NRDE2: variants seen among roughly 807,000 people sequenced by gnomAD.
The protein encoded by NRDE2 is nuclear exosome regulator NRDE2.
A neutral mutation model predicts 124.2 loss-of-function variants in NRDE2; 76 were observed. The observed-to-expected ratio is 0.61, with a 90% CI of 0.51 to 0.74. The LOEUF (loss-of-function observed/expected upper bound fraction) is 0.74. NRDE2 is among the 30% of genes least tolerant of loss of function. The pLI is 0.00. For missense variants in NRDE2, 1,314 were observed against 1,417.3 expected, an observed-to-expected ratio of 0.93 and a Z score of 1.17; for synonymous variants, 489 against 528.1, an observed-to-expected ratio of 0.93 and a Z score of 1.01.
chr14:90,327,321 G>A (rs184819919), intron 1 of NRDE2, among the ~76,000 whole-genome samples: 18 of 152,266 alleles, frequency 1.2e-4, no homozygotes, highest in African/African-American at 2.9e-4. Flanking sequence ...AGGCCGTGGC[G>A]GGAGCACTGC....
At chr14:90,316,459 T>A in intron 3 of NRDE2, 119 bp downstream of exon 3, 1 of 706,156 alleles carries the variant, frequency 1.4e-6, no homozygotes, top group Non-Finnish European at 2.4e-6. Flanking sequence ...GATATAATGG[T>A]AGAGCTCTCT....
rs749739349 is a variant in NRDE2 at position 90,316,815 on chromosome 14, T to C, written c.174-4A>G. 15 of 1,569,836 alleles carry C rather than the reference T, an allele frequency of 9.6e-6. No homozygotes were observed. The Admixed American group carries it at 2.9e-4, about 30-fold the overall frequency. On this transcript the variant is annotated splice_region_variant and splice_polypyrimidine_tract_variant and intron_variant, in intron 2 of 13. Coordinates refer to ENST00000354366, the MANE Select transcript of NRDE2 (RefSeq NM_017970.4). ...AGACTCTGATTTCAGATGACTCCTG[T>C]TTGGGAAAATCAACTTTAAAATTAC...
chr14:90,283,593 C>T (rs917347749), intron 12 of NRDE2, among the ~76,000 whole-genome samples: 3 of 152,170 alleles, frequency 2.0e-5, no homozygotes, highest in African/African-American at 7.2e-5. Flanking sequence ...GTTGTCTCTA[C>T]TAACAGCAGC....
At chr14:90,299,357 G>A (rs1277415516) in intron 7 of NRDE2, among the ~76,000 whole-genome samples, 1 of 151,956 alleles carries the variant, frequency 6.6e-6, no homozygotes, top group Non-Finnish European at 1.5e-5. Context: ...CTAAAGGTCT[G>A]CATTTTAAAG....
In NRDE2 at chr14:90,274,437, GAC is replaced by G. The variant is rs1891748024; in HGVS notation, c.*3897_*3898del. On this transcript the variant is annotated 3_prime_UTR_variant, in exon 14 of 14. Transcript: ENST00000354366. ...GGAGCCAGGTTTCTCTGAGGAGTTAGACACAGAAAGAAGAAAACAAGAACGAC... is the reference window on the plus strand; with the variant it reads ...GGAGCCAGGTTTCTCTGAGGAGTTAGACAGAAAGAAGAAAACAAGAACGAC... 1 of 152,762 alleles carries G rather than the reference GAC, an allele frequency of 6.5e-6. No individual in the cohort carries two copies. The highest frequency in any genetic ancestry group is 2.1e-4 in the South Asian group (1 of 4,844). 9.5% of individuals were successfully genotyped at this position (152,762 alleles called of 1,614,324 possible).
intron 12 of NRDE2, among the ~76,000 whole-genome samples, chr14:90,284,001 A>G (rs181767847): frequency 9.7e-4 from 148 of 152,136 alleles, no homozygotes; most frequent in African/African-American, 3.5e-3. Context: ...ATGAGCCACC[A>G]CACTCAGACT....
In NRDE2 at chr14:90,288,815, T is replaced by A. The variant is rs774115673; in HGVS notation, c.2560A>T (p.Thr854Ser). 2 of 1,614,142 alleles carry A rather than the reference T, an allele frequency of 1.2e-6. No individual in the cohort carries two copies. Among genetic ancestry groups the A allele is most frequent in the Admixed American group, 3.3e-5 (2 of 60,028 alleles). The change falls in exon 11 of 14, where the codon ACT (threonine) becomes TCT (serine). Residue 854 changes from threonine to serine, a missense_variant. Thr to Ser is a moderately conservative substitution (Grantham distance 58). Coordinates refer to ENST00000354366, the MANE Select transcript of NRDE2 (RefSeq NM_017970.4). Reference protein sequence around the residue: ...ARAVHILTKLTESSPYGPYTG... With the variant: ...ARAVHILTKLSESSPYGPYTG... Reference sequence around the variant, plus strand: ...TAGGGCCCATAGGGGCTGCTCTCAGTCAGCTTGGTTAATATGTGAACAGCT... The same window carrying A: ...TAGGGCCCATAGGGGCTGCTCTCAGACAGCTTGGTTAATATGTGAACAGCT...
chr14:90,271,892 ATTTT>A lies in NRDE2; in HGVS notation c.*6440_*6443del, dbSNP rs58641715. On this transcript the variant is annotated 3_prime_UTR_variant, in exon 14 of 14. Transcript: ENST00000354366. ...TGTCTCATGCTTTATTTCAGAACAG[ATTTT>A]TTTTTTTTTTTTTTTGAGGTAGAGT... 1.4e-3 allele frequency: 200 copies of A among 140,138 alleles called. 2 individuals are homozygous for A. In the South Asian group the frequency reaches 0.022, roughly 16 times the overall value. The allele number at this position is 140,138 out of a possible 1,614,324, so 8.7% of individuals were successfully genotyped here. A position where few individuals can be genotyped will look rare whatever the true frequency, so the allele number is the denominator to read the frequency against.
rs759260251 is a variant in NRDE2, at chr14:90,288,219, C to G, written c.3156G>C (p.Gln1052His). The change falls in exon 11 of 14, where the codon CAG (glutamine) becomes CAC (histidine). Residue 1052 changes from glutamine (Q) to histidine (H), a missense_variant and splice_region_variant. Coordinates refer to ENST00000354366, the MANE Select transcript of NRDE2 (RefSeq NM_017970.4). Reference sequence around the variant, plus strand: ...CGAACAGAACGGTCTGGAATTACCTCTGGACAGTTTCCACCAGTCTCTTCC... The same window carrying G: ...CGAACAGAACGGTCTGGAATTACCTGTGGACAGTTTCCACCAGTCTCTTCC... Reference protein sequence around the residue: ...KLRKRLVETVQRLDGREIHAT... With the variant: ...KLRKRLVETVHRLDGREIHAT... The G allele has an allele frequency of 1.9e-6, 3 of 1,612,752 alleles. No individual in the cohort carries two copies. The highest frequency in any genetic ancestry group is 1.1e-5 in the South Asian group (1 of 90,890).
Position 90,309,290 on chromosome 14 carries a change from C to T in NRDE2, c.557+3104G>A, listed in dbSNP as rs554475231. The stretch of plus-strand genomic sequence containing the variant: ...TGAATGCAGGCTGAATAAATTTGGG[C>T]GAATTTTAGTGGCATACGGGAAAAA... On this transcript the variant is annotated intron_variant, in intron 4 of 13. Coordinates refer to ENST00000354366, the MANE Select transcript of NRDE2 (RefSeq NM_017970.4). Among the ~76,000 whole-genome samples, 5 of 148,704 alleles carry T rather than the reference C, an allele frequency of 3.4e-5. No homozygotes were observed. The South Asian group carries it at 6.4e-4, about 19-fold the overall frequency.
rs1891623862 is a variant in NRDE2, at chr14:90,270,117, G to C, written c.*8219C>G. On this transcript the variant is annotated 3_prime_UTR_variant, in exon 14 of 14. Coordinates refer to ENST00000354366, the MANE Select transcript of NRDE2 (RefSeq NM_017970.4). ...TGTCCGACTGAAACTTCGTATGTAA[G>C]GAGATGGGCTGAGGCCTCTGAGCCA... 14 of 1,447,430 alleles carry C rather than the reference G, an allele frequency of 9.7e-6. No individual in the cohort carries two copies. Among genetic ancestry groups the C allele is most frequent in the Non-Finnish European group, 1.3e-5 (14 of 1,063,516 alleles). 89.7% of individuals were successfully genotyped at this position (1,447,430 alleles called of 1,614,324 possible).
intron 1 of NRDE2, among the ~76,000 whole-genome samples, chr14:90,330,214 A>AAAATAAATAAATAAATAAAT (rs1555362759): frequency 1.4e-5 from 2 of 139,256 alleles, no homozygotes; most frequent in Non-Finnish European, 3.0e-5. Flanking sequence ...CTCAAAAAAA[A>AAAATAAATAAATAAATAAAT]AAATAAATAA....
At chr14:90,324,215 G>A (rs1028310767) in intron 1 of NRDE2, among the ~76,000 whole-genome samples, 3 of 152,136 alleles carry the variant, frequency 2.0e-5, no homozygotes, top group African/African-American at 7.2e-5. Context: ...CATTGGGACT[G>A]AGGGGAAATG....
intron 3 of NRDE2, among the ~76,000 whole-genome samples, chr14:90,315,892 G>A (rs1415131220): frequency 6.7e-6 from 1 of 149,210 alleles, no homozygotes; most frequent in Non-Finnish European, 1.5e-5. Flanking sequence ...AGGAGGTAAA[G>A]GTTGTGGTGA....
rs566675870 is a variant in NRDE2, at chr14:90,276,067, C to T, written c.*2269G>A. ...GGTCTGATGTGATCAGTGACTCCTT[C>T]GGGGAAATGACGAGCGTTCCTGATG... On this transcript the variant is annotated 3_prime_UTR_variant, in exon 14 of 14. Coordinates refer to ENST00000354366, the MANE Select transcript of NRDE2 (RefSeq NM_017970.4). The T allele has an allele frequency of 1.3e-5, 2 of 152,302 alleles. No individual in the cohort carries two copies. Among genetic ancestry groups the T allele is most frequent in the South Asian group, 2.1e-4 (1 of 4,826 alleles). The allele number at this position is 152,302 out of a possible 1,614,324, so 9.4% of individuals were successfully genotyped here.
At chr14:90,298,115 T>C (rs976514188) in intron 8 of NRDE2, 145 bp downstream of exon 8, 6 of 858,332 alleles carry the variant, frequency 7.0e-6, no homozygotes, top group Middle Eastern at 2.9e-4. Context: ...ACCCATGACA[T>C]CTACTTAACA....
At chr14:90,305,693 A>G (rs576995573) in intron 4 of NRDE2, among the ~76,000 whole-genome samples, 2 of 152,348 alleles carry the variant, frequency 1.3e-5, no homozygotes, top group Admixed American at 1.3e-4. Context: ...CACACTGTAT[A>G]ATTCCACTTA....
At chr14:90,313,158 G>A (rs932071818) in intron 3 of NRDE2, among the ~76,000 whole-genome samples, 11 of 122,350 alleles carry the variant, frequency 9.0e-5, no homozygotes, top group African/African-American at 2.6e-4. Context: ...ACGGAGTCTC[G>A]CTCTGTCACC....
rs1397942950 is a variant in NRDE2 at position 90,289,131 on chromosome 14, C to T, written c.2244G>A (p.Leu748=). 1.2e-6 allele frequency: 2 copies of T among 1,601,422 alleles called. No individual in the cohort carries two copies. The highest frequency in any genetic ancestry group is 1.1e-5 in the South Asian group (1 of 90,518). The change falls in exon 11 of 14, where the codon CTG becomes CTA. Residue 748 remains leucine (L), a synonymous_variant. Transcript: ENST00000354366. ...TTAATCTCTTCTTGTTTTTAGTGTGCAGGCACCAAATGACCTACAGGGAAA... is the reference window on the plus strand; with the variant it reads ...TTAATCTCTTCTTGTTTTTAGTGTGTAGGCACCAAATGACCTACAGGGAAA... ...QYEIAKVIWC[L]HTKNKKRLKS... is the part of the protein sequence containing the mutation.
Sources: allele counts gnomAD v4.1 joint callset (sites outside exome capture counted in the v4.1 genomes callset), GRCh38; gene constraint gnomAD v4.1.1; transcripts MANE v1.5; gene names NCBI Gene and HGNC (gene_info 2026-07-23, HGNC 2026-07-21).